Variants in GNB1 observed in about 807,000 individuals in gnomAD.
GNB1 encodes the protein G protein subunit beta 1.
GNB1 carries 2 observed loss-of-function variants against 42.9 expected under a neutral mutation model. The ratio of observed to expected loss-of-function variants is 0.05; its 90% CI spans 0.02 to 0.15. The LOEUF (loss-of-function observed/expected upper bound fraction) is 0.15, where lower values mean the gene tolerates loss of function less well. Ranked by LOEUF, GNB1 falls within the 10% of genes least tolerant of loss-of-function variation. GNB1 has a pLI of 1.00. For synonymous variants in GNB1, 183 were observed against 174.7 expected (o/e 1.05, Z -0.38); for missense variants, 193 against 462.2 (o/e 0.42, Z 5.34).
chr1:1,810,129 G>A (rs1646755373), intron 5 of GNB1, among the ~76,000 whole-genome samples: 1 of 151,936 alleles, frequency 6.6e-6, no homozygotes, highest in African/African-American at 2.4e-5. Flanking sequence ...CAGGCTGGAG[G>A]ATCTCGGCTA....
chr1:1,803,989 AAAAAAAAAAAAAAAG>A (rs1167054671), intron 7 of GNB1, among the ~76,000 whole-genome samples: 78 of 91,582 alleles, frequency 8.5e-4, no homozygotes, highest in African/African-American at 3.0e-3. Flanking sequence ...CTTTAAAAAA[AAAAAAAAAAAAAAAG>A]AAAAAAAGGC....
intron 5 of GNB1, among the ~76,000 whole-genome samples, chr1:1,812,681 G>C (rs1646798524): frequency 6.6e-6 from 1 of 152,154 alleles, no homozygotes; most frequent in South Asian, 2.1e-4. Flanking sequence ...CTTGCTCACA[G>C]GGTGGCCATG....
intron 1 of GNB1, among the ~76,000 whole-genome samples, chr1:1,876,503 G>C (rs1234262263): frequency 6.6e-6 from 1 of 151,820 alleles, no homozygotes; most frequent in Admixed American, 6.6e-5. Context: ...GAGAGAGAGA[G>C]AGAGAGAGAG....
intron 1 of GNB1, among the ~76,000 whole-genome samples, chr1:1,874,101 G>A (rs1398080624): frequency 6.6e-6 from 1 of 152,116 alleles, no homozygotes; most frequent in Non-Finnish European, 1.5e-5. Flanking sequence ...CAGCAGCCTC[G>A]ATCCATCCCT....
intron 1 of GNB1, among the ~76,000 whole-genome samples, chr1:1,881,600 A>G (rs1649850765): frequency 6.6e-6 from 1 of 152,214 alleles, no homozygotes; most frequent in East Asian, 1.9e-4. Flanking sequence ...AGGTTTCACC[A>G]TGTTGGCCAG....
chr1:1,799,228 C>A (rs1646591250), intron 7 of GNB1, among the ~76,000 whole-genome samples: 1 of 152,208 alleles, frequency 6.6e-6, no homozygotes, highest in South Asian at 2.1e-4. Flanking sequence ...CCCACAAACA[C>A]TCTTAAGAGG....
chr1:1,846,593 TCTCA>T (rs1205088523), intron 1 of GNB1, among the ~76,000 whole-genome samples: 4 of 151,814 alleles, frequency 2.6e-5, no homozygotes, highest in African/African-American at 7.3e-5. Context: ...TCAATCAGAG[TCTCA>T]CTGTCACCCA....
intron 1 of GNB1, among the ~76,000 whole-genome samples, chr1:1,854,830 C>A (rs1001906130): frequency 1.3e-5 from 2 of 152,132 alleles, no homozygotes; most frequent in Non-Finnish European, 2.9e-5. Context: ...GCCAGGAGTT[C>A]AAGATCAGCC....
chr1:1,793,240 C>T lies in GNB1; in HGVS notation c.497+5G>A. 1.2e-6 allele frequency: 2 copies of T among 1,607,708 alleles called. No homozygotes were observed. Among genetic ancestry groups the T allele is most frequent in the Non-Finnish European group, 1.7e-6 (2 of 1,174,730 alleles). ...GGCACTGCCTGCCCCGGGTCAGGTACTTACCACGTGGTGTCTCCAGAGCTG... is the reference window on the plus strand; with the variant it reads ...GGCACTGCCTGCCCCGGGTCAGGTATTTACCACGTGGTGTCTCCAGAGCTG... On this transcript the variant is annotated splice_donor_5th_base_variant and intron_variant, in intron 8 of 11. Transcript: ENST00000378609.
intron 1 of GNB1, among the ~76,000 whole-genome samples, chr1:1,878,894 A>G (rs903429717): frequency 1.3e-5 from 2 of 151,988 alleles, no homozygotes; most frequent in African/African-American, 4.8e-5. Flanking sequence ...AATCTCTACC[A>G]CTGACGAATC....
At chr1:1,849,427 G>T (rs941271627) in intron 1 of GNB1, among the ~76,000 whole-genome samples, 33 of 152,160 alleles carry the variant, frequency 2.2e-4, no homozygotes, top group Non-Finnish European at 1.0e-4. Context: ...TCTTTTGTGG[G>T]ACTAGGTCTC....
chr1:1,856,876 C>T (rs1340181504), intron 1 of GNB1, among the ~76,000 whole-genome samples: 1 of 152,136 alleles, frequency 6.6e-6, no homozygotes, highest in African/African-American at 2.4e-5. Flanking sequence ...ATTCAGAAGG[C>T]CCAAGAAAAA....
At chr1:1,802,918 C>CA (rs1318317131) in intron 7 of GNB1, among the ~76,000 whole-genome samples, 1 of 152,144 alleles carries the variant, frequency 6.6e-6, no homozygotes. Flanking sequence ...ATTAAGAAGG[C>CA]AACTCCAAAG....
rs749111857 is a variant in GNB1, at chr1:1,787,476, A to C, written c.917-39T>G. ...ACAGCAGAATCACACCAAAGCCCAGAGGCATCGATCTCACCTGTGTGCCAT... is the reference window on the plus strand; with the variant it reads ...ACAGCAGAATCACACCAAAGCCCAGCGGCATCGATCTCACCTGTGTGCCAT... On this transcript the variant is annotated intron_variant, in intron 10 of 11. Coordinates refer to ENST00000378609, the MANE Select transcript of GNB1 (RefSeq NM_002074.5). This position sits in a 1 kb window ranked among gnomAD's most constrained non-coding sequence, Gnocchi z 4.4. The C allele has an allele frequency of 1.6e-6, 2 of 1,241,332 alleles. No individual in the cohort carries two copies. Among genetic ancestry groups the C allele is most frequent in the Non-Finnish European group, 2.4e-6 (2 of 842,602 alleles). 76.9% of individuals were successfully genotyped at this position (1,241,332 alleles called of 1,614,324 possible). A position where few individuals can be genotyped will look rare whatever the true frequency, so the allele number is the denominator to read the frequency against.
intron 1 of GNB1, among the ~76,000 whole-genome samples, chr1:1,861,481 A>T (rs191538548): frequency 1.3e-4 from 19 of 151,908 alleles, no homozygotes; most frequent in South Asian, 4.2e-4. Context: ...ATAATAATAA[A>T]AACCCAGCAG....
intron 1 of GNB1, among the ~76,000 whole-genome samples, chr1:1,880,448 CGTGGTGG>C (rs1649779568): frequency 6.6e-6 from 1 of 151,714 alleles, no homozygotes; most frequent in East Asian, 1.9e-4. Context: ...ATTAGCCGGG[CGTGGTGG>C]GGGGTGCCTG....
chr1:1,801,478 G>A (rs1031684329), intron 7 of GNB1, among the ~76,000 whole-genome samples: 2 of 152,218 alleles, frequency 1.3e-5, no homozygotes, highest in Non-Finnish European at 2.9e-5. Context: ...AGGGCAGACA[G>A]CAGGCCCGTG....
At chr1:1,882,426 CAAAAAAAA>C (rs5772052) in intron 1 of GNB1, among the ~76,000 whole-genome samples, 21 of 71,606 alleles carry the variant, frequency 2.9e-4, no homozygotes, top group African/African-American at 8.8e-4. Flanking sequence ...GACTCCAACT[CAAAAAAAA>C]AAAAAAAAAA....
intron 1 of GNB1, among the ~76,000 whole-genome samples, chr1:1,865,061 G>C (rs944201737): frequency 6.6e-6 from 1 of 151,840 alleles, no homozygotes; most frequent in Non-Finnish European, 1.5e-5. Context: ...AGGAGATCGA[G>C]ACCATCCTGG....
Sources: gnomAD v4.1 joint callset for allele counts (sites outside exome capture counted in the v4.1 genomes callset) on GRCh38, gnomAD v4.1.1 for gene constraint, Gnocchi (gnomAD v3.1) non-coding constraint, MANE v1.5 for transcripts, NCBI Gene and HGNC (gene_info 2026-07-23, HGNC 2026-07-21) for gene names.